The following CNKSR3 variants were observed in gnomAD, a reference collection of about 807,000 sequenced individuals.
CNKSR3 encodes the protein connector enhancer of kinase suppressor of ras 3.
CNKSR3 carries 36 observed loss-of-function variants against 67.7 expected under a neutral mutation model. The observed-to-expected ratio is 0.53, with a 90% CI of 0.41 to 0.70. The LOEUF (loss-of-function observed/expected upper bound fraction) is 0.70, where lower values mean the gene tolerates loss of function less well. Among genes scored for constraint, CNKSR3 ranks in the 30% least tolerant of loss-of-function variants. The probability of loss-of-function intolerance (pLI) is 0.00; values close to 1 mark genes in which losing one functional copy is unlikely to be tolerated. For missense variants in CNKSR3, 630 were observed against 695.2 expected (o/e 0.91, Z 1.05); for synonymous variants, 281 against 271.4 (o/e 1.04, Z -0.35).
chr6:154,486,473 T>TATTTC (rs1786669065), intron 1 of CNKSR3, among the ~76,000 whole-genome samples: 1 of 136,810 alleles, frequency 7.3e-6, no homozygotes, highest in East Asian at 2.0e-4. Context: ...ATTTTTATTT[T>TATTTC]ATTTTATTTT....
chr6:154,450,522 A>G (rs74679650), intron 1 of CNKSR3, among the ~76,000 whole-genome samples: 2,152 of 152,328 alleles, frequency 0.014, 59 homozygotes, highest in African/African-American at 0.049. Context: ...AGGAATAAAC[A>G]CCAAACCCCT....
intron 1 of CNKSR3, among the ~76,000 whole-genome samples, chr6:154,481,947 C>T (rs1328020007): frequency 2.6e-5 from 4 of 152,170 alleles, no homozygotes; most frequent in Non-Finnish European, 5.9e-5. Context: ...ACCAATCTGT[C>T]ATCAAGTGCC....
chr6:154,455,503 CA>C (rs1562340775), intron 1 of CNKSR3, among the ~76,000 whole-genome samples: 1 of 150,644 alleles, frequency 6.6e-6, no homozygotes, highest in Non-Finnish European at 1.5e-5. Flanking sequence ...TTTTTTCAGA[CA>C]GAGTTTCTTT....
At chr6:154,494,542 A>G (rs567166338) in intron 1 of CNKSR3, among the ~76,000 whole-genome samples, 2 of 152,242 alleles carry the variant, frequency 1.3e-5, no homozygotes, top group Admixed American at 6.5e-5. Context: ...TATAAGAAAA[A>G]TAATTTATAA....
At chr6:154,435,908 T>C (rs1387934385) in intron 4 of CNKSR3, among the ~76,000 whole-genome samples, 6 of 152,274 alleles carry the variant, frequency 3.9e-5, no homozygotes, top group East Asian at 1.9e-4. Context: ...TGAGATTTGC[T>C]GAGAATTCGG....
Position 154,406,249 on chromosome 6 carries a change from T to A in CNKSR3, c.*105A>T. 1 of 1,045,124 alleles carries A rather than the reference T, an allele frequency of 9.6e-7. No homozygotes were observed. The highest frequency in any genetic ancestry group is 1.4e-6 in the Non-Finnish European group (1 of 729,290). The allele number at this position is 1,045,124 out of a possible 1,614,324, so 64.7% of individuals were successfully genotyped here. ...CTTTTCAAAAGAAAAAGAAATTGCA[T>A]AAGGTCCCTACATAATACTGAGGCT... On this transcript the variant is annotated 3_prime_UTR_variant, in exon 13 of 13. Transcript: ENST00000607772.
Position 154,415,228 on chromosome 6 carries a change from A to ATTTTTTTTTTTTTTTTTTTTTTTT in CNKSR3, c.946-806_946-805insAAAAAAAAAAAAAAAAAAAAAAAA, listed in dbSNP as rs35873703. Among the ~76,000 whole-genome samples, 249 of 118,056 alleles carry ATTTTTTTTTTTTTTTTTTTTTTTT rather than the reference A, an allele frequency of 2.1e-3. 28 individuals are homozygous for ATTTTTTTTTTTTTTTTTTTTTTTT. The highest frequency in any genetic ancestry group is 0.011 in the East Asian group (35 of 3,068). The allele number at this position is 118,056 out of a possible 152,430, so 77.4% of individuals were successfully genotyped here. On this transcript the variant is annotated intron_variant, in intron 9 of 12. Coordinates refer to ENST00000607772, the MANE Select transcript of CNKSR3 (RefSeq NM_173515.4). Reference sequence around the variant, plus strand: ...TCCTGGCTAGACTTACTAGCTGCCCATTTTTTTTTTTTTTTTTTTTAAGAT... The same window carrying ATTTTTTTTTTTTTTTTTTTTTTTT: ...TCCTGGCTAGACTTACTAGCTGCCCATTTTTTTTTTTTTTTTTTTTTTTTTTTTTTTTTTTTTTTTTTTTAAGAT...
intron 2 of CNKSR3, among the ~76,000 whole-genome samples, chr6:154,443,070 G>T (rs1039275279): frequency 6.6e-6 from 1 of 151,956 alleles, no homozygotes; most frequent in Non-Finnish European, 1.5e-5. Flanking sequence ...GCTAATTTTT[G>T]TATTTTTAGT....
chr6:154,501,137 A>C (rs991258740), intron 1 of CNKSR3, among the ~76,000 whole-genome samples: 2 of 152,150 alleles, frequency 1.3e-5, no homozygotes, highest in African/African-American at 2.4e-5. Flanking sequence ...AGACATCCCA[A>C]CTTCAAATAT....
intron 7 of CNKSR3, among the ~76,000 whole-genome samples, chr6:154,426,225 C>G (rs1785252101): frequency 6.6e-6 from 1 of 152,188 alleles, no homozygotes; most frequent in African/African-American, 2.4e-5. Flanking sequence ...AATACCAGGA[C>G]AGCCCCTGAG....
At position 154,421,156 on chromosome 6, in the gene CNKSR3, G is replaced by A. The variant is rs138266547; in HGVS notation, c.945+1350C>T. The stretch of plus-strand genomic sequence containing the variant: ...AGCCTCCTGAGTAGCTGGGATTACA[G>A]GCACAGGCCACCACGCTCAACTACT... On this transcript the variant is annotated intron_variant, in intron 9 of 12. Transcript: ENST00000607772. 5.0e-3 allele frequency among the ~76,000 whole-genome samples: 757 copies of A among 152,290 alleles called. 7 individuals carry two copies. Among genetic ancestry groups the A allele is most frequent in the African/African-American group, 0.017 (726 of 41,550 alleles).
In CNKSR3 at chr6:154,426,295, T is replaced by C. The variant is rs527515890; in HGVS notation, c.729+1833A>G. Among the ~76,000 whole-genome samples the C allele has an allele frequency of 5.3e-5, 8 of 152,324 alleles. No individual in the cohort carries two copies. The South Asian group carries it at 1.7e-3, about 32-fold the overall frequency. ...CAGGGAATATATCATTAATGGCATA[T>C]GACATTTCATTTAATTCAAAAGCAG... On this transcript the variant is annotated intron_variant, in intron 7 of 12. Coordinates refer to ENST00000607772, the MANE Select transcript of CNKSR3 (RefSeq NM_173515.4).
chr6:154,466,489 C>A (rs974727707), intron 1 of CNKSR3, among the ~76,000 whole-genome samples: 7 of 152,238 alleles, frequency 4.6e-5, no homozygotes, highest in Admixed American at 1.3e-4. Context: ...GAGTCCAGGA[C>A]CCAGCCTTGG....
intron 1 of CNKSR3, among the ~76,000 whole-genome samples, chr6:154,480,200 G>A (rs2114637867): frequency 6.6e-6 from 1 of 152,294 alleles, no homozygotes; most frequent in East Asian, 1.9e-4. Flanking sequence ...ACCATTTCCT[G>A]AGCCCTTCTG....
chr6:154,446,264 G>T (rs1360422738), intron 2 of CNKSR3, among the ~76,000 whole-genome samples: 2 of 152,106 alleles, frequency 1.3e-5, no homozygotes, highest in Non-Finnish European at 2.9e-5. Flanking sequence ...TACACATTTA[G>T]CTAAGGACAC....
chr6:154,436,984 G>A (rs960699030), intron 4 of CNKSR3, among the ~76,000 whole-genome samples: 6 of 152,118 alleles, frequency 3.9e-5, no homozygotes, highest in Non-Finnish European at 7.4e-5. Flanking sequence ...ATTATTATTG[G>A]AAGGAAGGAT....
intron 12 of CNKSR3, 54 bp from the exon 13 acceptor site, chr6:154,406,706 A>C: frequency 9.5e-5 from 142 of 1,500,382 alleles, no homozygotes; most frequent in Non-Finnish European, 1.1e-4. Context: ...GTGGTGGCTC[A>C]CACCTGTAAT....
intron 6 of CNKSR3, among the ~76,000 whole-genome samples, chr6:154,429,985 CA>C (rs1028168749): frequency 2.7e-4 from 41 of 152,200 alleles, no homozygotes; most frequent in African/African-American, 9.9e-4. Flanking sequence ...AAATTAATCC[CA>C]TAAGATGCAC....
In CNKSR3 at chr6:154,414,395, G is replaced by A. The variant is rs141020573; in HGVS notation, c.974C>T (p.Ser325Phe). The A allele has an allele frequency of 1.9e-6, 3 of 1,605,320 alleles. No individual in the cohort carries two copies. The highest frequency in any genetic ancestry group is 2.2e-5 in the East Asian group (1 of 44,862). ...QTSPPPATTQ[S>F]PESTMDTSLK... is the part of the protein sequence containing the mutation. ...TGAGGTATCCATAGTGCTTTCAGGG[G>A]ACTGGGTTGTCGCGGGTGGAGGTGA... The change falls in exon 10 of 13, where the codon TCC becomes TTC. Residue 325 changes from serine (S) to phenylalanine (F), a missense_variant. Around this residue, in one of 3 missense-constraint regions of CNKSR3, gnomAD observed 308 missense variants for 299.6 expected, o/e 1.03. Coordinates refer to ENST00000607772, the MANE Select transcript of CNKSR3 (RefSeq NM_173515.4).
Sources: gnomAD v4.1 joint callset for allele counts (sites outside exome capture counted in the v4.1 genomes callset) on GRCh38, gnomAD v4.1.1 for gene constraint, gnomAD v4.1.1 regional missense constraint, MANE v1.5 for transcripts, NCBI Gene and HGNC (gene_info 2026-07-23, HGNC 2026-07-21) for gene names.